The following SYT16 variants were observed in gnomAD, a reference collection of about 807,000 sequenced individuals.
SYT16 encodes the protein synaptotagmin-16.
SYT16 carries 42 observed loss-of-function variants against 61.4 expected under a neutral mutation model. The ratio of observed to expected loss-of-function variants is 0.68; its 90% CI spans 0.53 to 0.89. The LOEUF is 0.89. Among genes scored for constraint, SYT16 ranks in the 40% least tolerant of loss-of-function variants. The pLI is 0.00. For synonymous variants in SYT16, 314 were observed against 302.3 expected, an observed-to-expected ratio of 1.04 and a Z score of -0.40; for missense variants, 804 against 807.3, an observed-to-expected ratio of 1.00 and a Z score of 0.05.
At chr14:61,932,046 A>G (rs535296155) in intron 1 of SYT16, among the ~76,000 whole-genome samples, 2 of 152,198 alleles carry the variant, frequency 1.3e-5, no homozygotes, top group East Asian at 1.9e-4. Context: ...CTTGACATCA[A>G]AGGTGACCAG....
chr14:61,823,425 C>T (rs2045675679), intron 1 of SYT16, among the ~76,000 whole-genome samples: 1 of 151,918 alleles, frequency 6.6e-6, no homozygotes, highest in South Asian at 2.1e-4. Flanking sequence ...TATTGCTTTG[C>T]ACTTACGAAA....
At chr14:61,891,388 A>G (rs749628598) in intron 1 of SYT16, among the ~76,000 whole-genome samples, 2 of 151,714 alleles carry the variant, frequency 1.3e-5, no homozygotes, top group African/African-American at 4.9e-5. Flanking sequence ...TGCTGTTGCT[A>G]TTGAGAATGT....
At chr14:61,824,959 A>G (rs781035497) in intron 1 of SYT16, among the ~76,000 whole-genome samples, 3 of 152,230 alleles carry the variant, frequency 2.0e-5, no homozygotes, top group Non-Finnish European at 4.4e-5. Context: ...AAAATGTCTC[A>G]TCTTTAATTT....
intron 1 of SYT16, among the ~76,000 whole-genome samples, chr14:61,881,589 G>T (rs2047701356): frequency 6.6e-6 from 1 of 152,182 alleles, no homozygotes; most frequent in South Asian, 2.1e-4. Flanking sequence ...ACTAGTTGTT[G>T]AATGCCCTTC....
rs573317259 is a variant in SYT16, at chr14:61,964,286, A to G, written c.-324-5846A>G. Among the ~76,000 whole-genome samples the G allele has an allele frequency of 5.9e-5, 9 of 152,326 alleles. No individual in the cohort carries two copies. The South Asian group carries it at 1.5e-3, about 25-fold the overall frequency. On this transcript the variant is annotated intron_variant, in intron 1 of 7. Transcript: ENST00000683842. ...GGAAAGGTTCACCATTCTAGATGCT[A>G]TTAAGGACATTTATGATTCATGGGA...
intron 1 of SYT16, among the ~76,000 whole-genome samples, chr14:61,909,010 A>T (rs1243776448): frequency 6.6e-6 from 1 of 152,064 alleles, no homozygotes; most frequent in African/African-American, 2.4e-5. Flanking sequence ...TTTTGTAGAG[A>T]TGGAGGTCTC....
chr14:61,958,457 C>T (rs764650900), intron 1 of SYT16, among the ~76,000 whole-genome samples: 19 of 151,704 alleles, frequency 1.3e-4, no homozygotes, highest in Non-Finnish European at 2.2e-4. Flanking sequence ...CATATGATTT[C>T]GTATGTTGTA....
chr14:61,953,954 A>G (rs2761859), intron 1 of SYT16, among the ~76,000 whole-genome samples: 8,927 of 152,242 alleles, frequency 0.059, 901 homozygotes, highest in African/African-American at 0.2. Flanking sequence ...TGAAAACATC[A>G]TAGAATGTTT....
intron 3 of SYT16, among the ~76,000 whole-genome samples, chr14:62,058,230 C>T (rs1308780057): frequency 6.6e-6 from 1 of 150,876 alleles, no homozygotes; most frequent in Non-Finnish European, 1.5e-5. Flanking sequence ...CATGAAGCTT[C>T]TATGAACATT....
At chr14:61,936,673 C>G (rs932247335) in intron 1 of SYT16, among the ~76,000 whole-genome samples, 3 of 152,190 alleles carry the variant, frequency 2.0e-5, no homozygotes, top group African/African-American at 7.2e-5. Flanking sequence ...TCTCTCTGCT[C>G]CCTGTGCCAC....
chr14:61,915,522 C>A (rs2049090369), intron 1 of SYT16, among the ~76,000 whole-genome samples: 1 of 151,920 alleles, frequency 6.6e-6, no homozygotes, highest in African/African-American at 2.4e-5. Flanking sequence ...AAATAAAAAA[C>A]CCAGTTGAAA....
At chr14:61,908,248 C>T (rs1361547453) in intron 1 of SYT16, among the ~76,000 whole-genome samples, 1 of 152,206 alleles carries the variant, frequency 6.6e-6, no homozygotes, top group African/African-American at 2.4e-5. Context: ...ACTTAAAATA[C>T]AATAAGCCAG....
intron 1 of SYT16, among the ~76,000 whole-genome samples, chr14:61,879,071 A>G (rs1425046469): frequency 1.3e-5 from 2 of 151,936 alleles, no homozygotes; most frequent in Non-Finnish European, 2.9e-5. Flanking sequence ...ATCTCTCCCC[A>G]ACCCTTTCCT....
intron 4 of SYT16, among the ~76,000 whole-genome samples, chr14:62,070,391 T>A (rs1313577553): frequency 6.6e-6 from 1 of 152,196 alleles, no homozygotes; most frequent in Non-Finnish European, 1.5e-5. Context: ...GTCCCTGTAG[T>A]TTCTGACACA....
chr14:62,101,396 C>T lies in SYT16; in HGVS notation c.*689C>T, dbSNP rs1206211035. On this transcript the variant is annotated 3_prime_UTR_variant, in exon 8 of 8. Coordinates refer to ENST00000683842, the MANE Select transcript of SYT16 (RefSeq NM_001367656.1). ...AAACTACTGTTTTAAGACAACTTGT[C>T]TCCTTTTGAATATGTAAGATTTCAA... is the stretch of plus-strand genomic sequence containing the variant. The T allele has an allele frequency of 6.6e-6, 1 of 152,090 alleles. No homozygotes were observed. The highest frequency in any genetic ancestry group is 1.5e-5 in the Non-Finnish European group (1 of 68,010). The allele number at this position is 152,090 out of a possible 1,614,324, so 9.4% of individuals were successfully genotyped here.
chr14:62,026,850 G>T (rs554765065), intron 3 of SYT16, among the ~76,000 whole-genome samples: 1 of 152,046 alleles, frequency 6.6e-6, no homozygotes, highest in African/African-American at 2.4e-5. Flanking sequence ...TTAAAATTAG[G>T]TGTCCTTTTT....
At chr14:61,983,842 T>C (rs1201626223) in intron 2 of SYT16, among the ~76,000 whole-genome samples, 1 of 152,192 alleles carries the variant, frequency 6.6e-6, no homozygotes, top group Non-Finnish European at 1.5e-5. Context: ...GTCAGCTTTA[T>C]TGAATGAAAT....
Position 61,932,751 on chromosome 14 carries a change from C to G in SYT16, c.-324-37381C>G, listed in dbSNP as rs910337033. Among the ~76,000 whole-genome samples, 12 of 152,154 alleles carry G rather than the reference C, an allele frequency of 7.9e-5. 2 individuals are homozygous for G. Among genetic ancestry groups the G allele is most frequent in the Non-Finnish European group, 1.8e-4 (12 of 68,024 alleles). On this transcript the variant is annotated intron_variant, in intron 1 of 7. Coordinates refer to ENST00000683842, the MANE Select transcript of SYT16 (RefSeq NM_001367656.1). ...CTTCTCTCTCCCTTACACCCCTTCC[C>G]CATCTTTGCTTCAGAACTTATCTGC...
chr14:61,982,571 C>T (rs866695129), intron 2 of SYT16, among the ~76,000 whole-genome samples: 2 of 152,074 alleles, frequency 1.3e-5, no homozygotes, highest in Non-Finnish European at 2.9e-5. Context: ...TCCCATAACA[C>T]GTGGGAATTA....
Sources: gnomAD v4.1 joint callset for allele counts (sites outside exome capture counted in the v4.1 genomes callset) on GRCh38, gnomAD v4.1.1 for gene constraint, MANE v1.5 for transcripts, NCBI Gene and HGNC (gene_info 2026-07-23, HGNC 2026-07-21) for gene names.